NAV3: variants seen among roughly 807,000 people sequenced by gnomAD.
NAV3 encodes neuron navigator 3.
NAV3 carries 87 observed loss-of-function variants against 244.7 expected under a neutral mutation model. The ratio of observed to expected loss-of-function variants is 0.36; its 90% CI spans 0.30 to 0.42. NAV3 has a LOEUF of 0.42. NAV3 is among the 20% of genes least tolerant of loss of function. The pLI is 1.00. For missense variants in NAV3, 2,663 were observed against 2,893.3 expected (o/e 0.92, Z 1.83); for synonymous variants, 1,126 against 1,042.2 (o/e 1.08, Z -1.55).
In NAV3 at chr12:78,118,227, A is replaced by T. The variant is rs1351717679; in HGVS notation, c.2970A>T (p.Arg990Ser). ...SLSVSQTGSW[R>S]RGMSAQGGAP... The stretch of plus-strand genomic sequence containing the variant: ...CTGTTTCACAGACAGGTTCCTGGAG[A>T]AGAGGCATGTCTGCCCAAGGAGGGG... Residue 990 changes from arginine to serine, a missense_variant, in exon 14 of 40, where the codon AGA becomes AGT. Physicochemically the swap from Arg to Ser is moderately radical, Grantham distance 110. Coordinates refer to ENST00000397909, the MANE Select transcript of NAV3 (RefSeq NM_001024383.2). 1.2e-6 allele frequency: 2 copies of T among 1,613,486 alleles called. No individual in the cohort carries two copies. The highest frequency in any genetic ancestry group is 1.7e-6 in the Non-Finnish European group (2 of 1,179,788).
intron 12 of NAV3, among the ~76,000 whole-genome samples, chr12:78,098,085 A>C (rs546382195): frequency 1.3e-5 from 2 of 152,214 alleles, no homozygotes; most frequent in Admixed American, 1.3e-4. Flanking sequence ...GTTAAGGTAA[A>C]AGTTTTGTCT....
chr12:77,947,741 A>ACAGATT (rs368820926), intron 3 of NAV3, among the ~76,000 whole-genome samples: 346 of 152,166 alleles, frequency 2.3e-3, no homozygotes, highest in African/African-American at 7.6e-3. Flanking sequence ...TTATTTTTAT[A>ACAGATT]CAAACTTCGC....
chr12:77,736,560 C>T (rs940824666), intron 2 of NAV3, among the ~76,000 whole-genome samples: 2 of 152,116 alleles, frequency 1.3e-5, no homozygotes, highest in Admixed American at 6.6e-5. Context: ...TTCCATGTGG[C>T]CACTCCAAAG....
intron 2 of NAV3, among the ~76,000 whole-genome samples, chr12:77,726,298 A>T (rs1876875094): frequency 6.6e-6 from 1 of 151,964 alleles, no homozygotes; most frequent in Non-Finnish European, 1.5e-5. Flanking sequence ...GCCACAGAAC[A>T]CTACAAGGAA....
At chr12:78,036,966 A>G in intron 9 of NAV3, 4 of 702,994 alleles carry the variant, frequency 5.7e-6, no homozygotes, top group Non-Finnish European at 1.0e-5. Context: ...TTCCCTCACC[A>G]GTGATGGGGA....
chr12:77,945,924 A>G (rs932055247), intron 3 of NAV3, among the ~76,000 whole-genome samples: 1 of 151,032 alleles, frequency 6.6e-6, no homozygotes. Flanking sequence ...AATATTTTTT[A>G]ATTTTTTTAA....
intron 2 of NAV3, among the ~76,000 whole-genome samples, chr12:77,791,519 T>C (rs1007413371): frequency 6.6e-6 from 1 of 152,204 alleles, no homozygotes; most frequent in African/African-American, 2.4e-5. Context: ...ATATTGGTGG[T>C]TTGAGTATAT....
intron 8 of NAV3, among the ~76,000 whole-genome samples, chr12:78,020,404 C>G (rs1331759201): frequency 1.3e-5 from 2 of 152,058 alleles, no homozygotes; most frequent in African/African-American, 4.8e-5. Context: ...TTAAATAGTA[C>G]ATTTTCTTTC....
intron 2 of NAV3, among the ~76,000 whole-genome samples, chr12:77,684,855 G>T (rs1207802395): frequency 2.0e-5 from 3 of 151,994 alleles, no homozygotes; most frequent in Non-Finnish European, 4.4e-5. Flanking sequence ...ATAAATCATG[G>T]TTCCGTTTTT....
intron 12 of NAV3, among the ~76,000 whole-genome samples, chr12:78,081,499 C>T (rs1222059373): frequency 2.6e-5 from 4 of 152,170 alleles, no homozygotes; most frequent in Admixed American, 6.5e-5. Context: ...GATGCTCCTC[C>T]GAGCTTGAGT....
At chr12:77,676,385 C>A (rs531910334) in intron 2 of NAV3, among the ~76,000 whole-genome samples, 1 of 152,064 alleles carries the variant, frequency 6.6e-6, no homozygotes, top group Non-Finnish European at 1.5e-5. Context: ...TGGCCTCTTC[C>A]AGGCAGATGA....
intron 2 of NAV3, among the ~76,000 whole-genome samples, chr12:77,719,826 G>A (rs1876531532): frequency 6.6e-6 from 1 of 152,026 alleles, no homozygotes; most frequent in African/African-American, 2.4e-5. Flanking sequence ...GTTTGGAAGT[G>A]TTTCCTCCTT....
chr12:78,162,869 A>AAT (rs1027719140), intron 23 of NAV3, among the ~76,000 whole-genome samples: 1 of 121,878 alleles, frequency 8.2e-6, no homozygotes, highest in African/African-American at 3.1e-5. Context: ...CTCAAAAAAA[A>AAT]ATATATATAT....
chr12:77,751,962 G>A (rs1868879123), intron 2 of NAV3, among the ~76,000 whole-genome samples: 1 of 152,116 alleles, frequency 6.6e-6, no homozygotes, highest in Non-Finnish European at 1.5e-5. Context: ...TACCAGATGG[G>A]TGAATATTTC....
intron 5 of NAV3, among the ~76,000 whole-genome samples, chr12:77,973,116 A>C (rs1253196060): frequency 6.6e-6 from 1 of 152,142 alleles, no homozygotes; most frequent in East Asian, 1.9e-4. Flanking sequence ...AAAAGACGTG[A>C]TTTTTCTTAA....
Position 78,006,422 on chromosome 12 carries a change from C to T in NAV3, c.884C>T (p.Ser295Phe), listed in dbSNP as rs748276186. Reference sequence around the variant, plus strand: ...TTTTCTTCTAAACAATGTCCAGATTCCTCCAAAGGACCTCAATCGTCTTCA... The same window carrying T: ...TTTTCTTCTAAACAATGTCCAGATTTCTCCAAAGGACCTCAATCGTCTTCA... Reference protein sequence around the residue: ...PNYANGNEKDSSKGPQSSSGV... With the variant: ...PNYANGNEKDFSKGPQSSSGV... Residue 295 changes from serine (S) to phenylalanine (F), a missense_variant, in exon 8 of 40, where the codon TCC (serine) becomes TTC (phenylalanine). By Grantham distance (155) the Ser-to-Phe change is radical. Coordinates refer to ENST00000397909, the MANE Select transcript of NAV3 (RefSeq NM_001024383.2). 1.9e-6 allele frequency: 3 copies of T among 1,611,648 alleles called. No homozygotes were observed. Among genetic ancestry groups the T allele is most frequent in the Admixed American group, 3.3e-5 (2 of 59,900 alleles).
chr12:77,889,681 G>T (rs1339940103), intron 1 of NAV3, among the ~76,000 whole-genome samples: 1 of 151,986 alleles, frequency 6.6e-6, no homozygotes, highest in African/African-American at 2.4e-5. Flanking sequence ...TAGGATTAAT[G>T]GTATTAAATA....
chr12:78,148,767 C>G, intron 21 of NAV3, 75 bp from the exon 22 acceptor site: 1 of 1,343,592 alleles, frequency 7.4e-7, no homozygotes, highest in Non-Finnish European at 1.0e-6. Flanking sequence ...ACAGCATTTG[C>G]TTTCTTGGTT....
intron 12 of NAV3, among the ~76,000 whole-genome samples, chr12:78,084,768 G>T (rs1003839678): frequency 5.3e-5 from 8 of 152,030 alleles, no homozygotes; most frequent in Admixed American, 2.6e-4. Flanking sequence ...TCTTATTAAG[G>T]TTAGCAATGG....
Sources: allele counts gnomAD v4.1 joint callset (sites outside exome capture counted in the v4.1 genomes callset), GRCh38; gene constraint gnomAD v4.1.1; transcripts MANE v1.5; gene names NCBI Gene and HGNC (gene_info 2026-07-23, HGNC 2026-07-21).